The following RXYLT1 variants were observed in gnomAD, a reference collection of about 807,000 sequenced individuals.
RXYLT1 encodes the protein ribitol-5-phosphate xylosyltransferase 1.
A neutral mutation model predicts 43.5 loss-of-function variants in RXYLT1; 41 were observed. The ratio of observed to expected loss-of-function variants is 0.94; its 90% CI spans 0.73 to 1.22. RXYLT1 has a LOEUF of 1.22. RXYLT1 is among the 50% of genes most tolerant of loss of function. The probability of loss-of-function intolerance (pLI) is 0.00; values close to 1 mark genes in which losing one functional copy is unlikely to be tolerated. For synonymous variants in RXYLT1, 166 were observed against 194.4 expected (o/e 0.85, Z 1.21); for missense variants, 514 against 532.0 (o/e 0.97, Z 0.33).
At position 63,779,919 on chromosome 12, in the gene RXYLT1, C is replaced by G. The variant is rs768188804; in HGVS notation, c.-42C>G. On this transcript the variant is annotated 5_prime_UTR_variant, in exon 1 of 6. Transcript: ENST00000261234. ...CCGGTGTCGCGGATTCTCTTTCCGC[C>G]CGCTCCATGGCGGTGGATGCCTGAC... 1.2e-6 allele frequency: 2 copies of G among 1,606,230 alleles called. No individual in the cohort carries two copies. The highest frequency in any genetic ancestry group is 4.5e-5 in the East Asian group (2 of 44,676).
At chr12:63,796,102 G>T (rs1369020422) in intron 3 of RXYLT1, among the ~76,000 whole-genome samples, 1 of 152,108 alleles carries the variant, frequency 6.6e-6, no homozygotes, top group Non-Finnish European at 1.5e-5. Flanking sequence ...GGTGTGCTTG[G>T]TTTCATATCT....
chr12:63,806,647 C>T (rs1271595640), intron 5 of RXYLT1: 1 of 152,242 alleles, frequency 6.6e-6, no homozygotes, highest in African/African-American at 2.4e-5. Context: ...TGTAACTCCT[C>T]TCATACCATT....
At chr12:63,786,445 C>G (rs1408786045) in intron 3 of RXYLT1, among the ~76,000 whole-genome samples, 1 of 151,874 alleles carries the variant, frequency 6.6e-6, no homozygotes, top group Non-Finnish European at 1.5e-5. Flanking sequence ...TTTTTATTAT[C>G]CAGTACATAT....
rs576669545 is a variant in RXYLT1 at position 63,786,851 on chromosome 12, T to C, written c.428+1779T>C. 3.7e-4 allele frequency among the ~76,000 whole-genome samples: 57 copies of C among 152,284 alleles called. 1 individual carries two copies. In the South Asian group the frequency reaches 0.011, roughly 30 times the overall value. On this transcript the variant is annotated intron_variant, in intron 3 of 5. Transcript: ENST00000261234. ...ATCCTAGGCCGGATGCAGTGGCTCA[T>C]GCCTGTAATCCCAGTACTTTGGGAG...
intron 2 of RXYLT1, 96 bp downstream of exon 2, chr12:63,781,270 GTTAA>G (rs1300037564): frequency 2.9e-5 from 35 of 1,194,450 alleles, no homozygotes; most frequent in Middle Eastern, 3.1e-4. Flanking sequence ...TTCATAATTT[GTTAA>G]TTAAGGCATC....
rs141039843 is a variant in RXYLT1 at position 63,795,770 on chromosome 12, G to C, written c.429-6321G>C. ...TTATCTCTATGAACTTTAATCTATA[G>C]CCATTTAAACTGCTAATATTTAAAT... On this transcript the variant is annotated intron_variant, in intron 3 of 5. Transcript: ENST00000261234. 3.1e-3 allele frequency: 469 copies of C among 151,818 alleles called. 5 individuals are homozygous for C. The highest frequency in any genetic ancestry group is 0.011 in the African/African-American group (441 of 41,378). The allele number at this position is 151,818 out of a possible 1,614,324, so 9.4% of individuals were successfully genotyped here. A position where few individuals can be genotyped will look rare whatever the true frequency, so the allele number is the denominator to read the frequency against.
At chr12:63,803,112 A>G (rs2136232211) in intron 4 of RXYLT1, among the ~76,000 whole-genome samples, 1 of 136,054 alleles carries the variant, frequency 7.4e-6, no homozygotes, top group East Asian at 2.6e-4. Context: ...ACTTAAGCCC[A>G]GGAGATTGAG....
intron 4 of RXYLT1, chr12:63,804,041 G>A (rs1898227583): frequency 6.6e-6 from 1 of 152,026 alleles, no homozygotes; most frequent in Non-Finnish European, 1.5e-5. Context: ...TTTATAGAGA[G>A]GGGGTTTCGC....
At chr12:63,790,854 G>A (rs995260785) in intron 3 of RXYLT1, among the ~76,000 whole-genome samples, 4 of 152,184 alleles carry the variant, frequency 2.6e-5, no homozygotes, top group African/African-American at 9.7e-5. Flanking sequence ...AAGGCAAGTA[G>A]TAGTTCATAT....
intron 1 of RXYLT1, chr12:63,780,435 T>A (rs1293844960): frequency 2.5e-6 from 3 of 1,209,538 alleles, no homozygotes; most frequent in Middle Eastern, 3.3e-4. Context: ...GCGGGAATGC[T>A]CCTGGAAGGC....
At chr12:63,794,350 C>G (rs1897982463) in intron 3 of RXYLT1, among the ~76,000 whole-genome samples, 1 of 152,192 alleles carries the variant, frequency 6.6e-6, no homozygotes, top group Admixed American at 6.5e-5. Flanking sequence ...ACTAAGTTGT[C>G]AGTCACATTG....
At chr12:63,798,300 A>ACTT (rs1423978342) in intron 3 of RXYLT1, among the ~76,000 whole-genome samples, 5 of 152,100 alleles carry the variant, frequency 3.3e-5, no homozygotes, top group African/African-American at 1.2e-4. Context: ...TCCATGCATT[A>ACTT]CTTCCTTGCT....
chr12:63,805,596 C>G, intron 5 of RXYLT1, 192 bp downstream of exon 5: 2 of 460,404 alleles, frequency 4.3e-6, no homozygotes, highest in East Asian at 7.1e-5. Flanking sequence ...CCGCCTATGA[C>G]TGTAGTCCAT....
chr12:63,780,871 T>G, intron 1 of RXYLT1, 148 bp from the exon 2 acceptor site: 1 of 623,488 alleles, frequency 1.6e-6, no homozygotes, highest in South Asian at 7.5e-5. Context: ...TTGTTTTCAT[T>G]GTGTATTACC....
At chr12:63,788,386 A>G (rs1406624440) in intron 3 of RXYLT1, among the ~76,000 whole-genome samples, 2 of 152,214 alleles carry the variant, frequency 1.3e-5, no homozygotes, top group East Asian at 3.8e-4. Flanking sequence ...CCTAGATGTC[A>G]TCTTCTGCTG....
chr12:63,792,607 T>C (rs775030340), intron 3 of RXYLT1, among the ~76,000 whole-genome samples: 13 of 152,214 alleles, frequency 8.5e-5, no homozygotes, highest in African/African-American at 1.2e-4. Context: ...TGGGGTCTTA[T>C]TGTCTTATTT....
intron 5 of RXYLT1, 25 bp downstream of exon 5, chr12:63,805,429 AT>A (rs1471534088): frequency 2.6e-6 from 4 of 1,539,426 alleles, no homozygotes; most frequent in Non-Finnish European, 3.5e-6. Flanking sequence ...TATTTAATTC[AT>A]TCATTTTGTT....
intron 5 of RXYLT1, chr12:63,807,145 C>T (rs185440105): frequency 6.6e-6 from 1 of 152,304 alleles, no homozygotes; most frequent in African/African-American, 2.4e-5. Context: ...GACAATTCAG[C>T]TGGCACTTAG....
chr12:63,800,174 G>A (rs1898128724), intron 3 of RXYLT1, among the ~76,000 whole-genome samples: 4 of 152,180 alleles, frequency 2.6e-5, no homozygotes, highest in Admixed American at 2.6e-4. Context: ...GCTCTGAAGT[G>A]AGACAGAACT....
Sources: allele counts gnomAD v4.1 joint callset (sites outside exome capture counted in the v4.1 genomes callset), GRCh38; gene constraint gnomAD v4.1.1; transcripts MANE v1.5; gene names NCBI Gene and HGNC (gene_info 2026-07-23, HGNC 2026-07-21).